FBXL7: variants seen among roughly 807,000 people sequenced by gnomAD.
FBXL7 encodes the protein F-box/LRR-repeat protein 7.
In FBXL7, 12 loss-of-function variants were observed where a neutral mutation model predicts 38.3. The observed-to-expected ratio is 0.31, with a 90% CI of 0.20 to 0.51. The LOEUF is 0.51. Ranked by LOEUF, FBXL7 falls within the 20% of genes least tolerant of loss-of-function variation. The pLI is 0.98. For synonymous variants in FBXL7, 297 were observed against 300.9 expected, an observed-to-expected ratio of 0.99 and a Z score of 0.13; for missense variants, 567 against 676.4, an observed-to-expected ratio of 0.84 and a Z score of 1.79.
chr5:15,642,499 G>A (rs1051632548), intron 2 of FBXL7, among the ~76,000 whole-genome samples: 9 of 152,104 alleles, frequency 5.9e-5, no homozygotes, highest in African/African-American at 1.4e-4. Flanking sequence ...AGAATTTGTC[G>A]ATATTTGAAA....
intron 2 of FBXL7, among the ~76,000 whole-genome samples, chr5:15,684,364 G>A (rs1742945871): frequency 6.6e-6 from 1 of 152,130 alleles, no homozygotes. Flanking sequence ...TAGGGTATGG[G>A]GGACACATAG....
intron 2 of FBXL7, among the ~76,000 whole-genome samples, chr5:15,717,587 T>C (rs537844295): frequency 1.3e-5 from 2 of 152,312 alleles, no homozygotes; most frequent in African/African-American, 4.8e-5. Flanking sequence ...AAGTTCTTGA[T>C]TGCCCCCTTG....
chr5:15,750,921 C>A lies in FBXL7; in HGVS notation c.127+134849C>A, dbSNP rs568591282. Among the ~76,000 whole-genome samples the A allele has an allele frequency of 3.9e-5, 6 of 152,298 alleles. No homozygotes were observed. The East Asian group carries it at 1.2e-3, about 29-fold the overall frequency. On this transcript the variant is annotated intron_variant, in intron 2 of 3. Coordinates refer to ENST00000504595, the MANE Select transcript of FBXL7 (RefSeq NM_012304.5). ...GAAGTGGGACTGACACTTGGTCTAC[C>A]TTTGACATCTGGAAAGACACAATGC...
intron 2 of FBXL7, among the ~76,000 whole-genome samples, chr5:15,644,336 G>A (rs898304132): frequency 1.6e-4 from 24 of 150,124 alleles, no homozygotes; most frequent in Middle Eastern, 7.0e-3. Flanking sequence ...AAGGCCAGGC[G>A]TGGTAGTGCA....
intron 2 of FBXL7, among the ~76,000 whole-genome samples, chr5:15,621,901 C>T (rs544251661): frequency 1.3e-5 from 2 of 152,130 alleles, no homozygotes; most frequent in South Asian, 2.1e-4. Context: ...ATCCAATACA[C>T]TCATTTTTTT....
intron 2 of FBXL7, among the ~76,000 whole-genome samples, chr5:15,638,590 A>G (rs1741260755): frequency 6.6e-6 from 1 of 151,638 alleles, no homozygotes; most frequent in South Asian, 2.1e-4. Context: ...GATGGAACGG[A>G]GGACAAGTTT....
intron 1 of FBXL7, among the ~76,000 whole-genome samples, chr5:15,612,891 T>C (rs1350256669): frequency 1.3e-5 from 2 of 152,214 alleles, no homozygotes; most frequent in Admixed American, 1.3e-4. Context: ...TATTTAAATT[T>C]TGAAAGACAG....
chr5:15,714,475 GACTACACA>G, intron 2 of FBXL7, among the ~76,000 whole-genome samples: 3 of 151,410 alleles, frequency 2.0e-5, no homozygotes, highest in African/African-American at 7.4e-5. Flanking sequence ...TATGAGAACA[GACTACACA>G]AGGTAATGTG....
chr5:15,615,811 CCCAAAAGATATTTA>C (rs1246362878), intron 1 of FBXL7, among the ~76,000 whole-genome samples, 158 bp from the exon 2 acceptor site: 1 of 152,052 alleles, frequency 6.6e-6, no homozygotes, highest in Admixed American at 6.6e-5. Context: ...TCAGATATTT[CCCAAAAGATATTTA>C]ATGCATAAGG....
intron 2 of FBXL7, among the ~76,000 whole-genome samples, chr5:15,902,472 G>C (rs1268941074): frequency 1.3e-5 from 2 of 152,180 alleles, no homozygotes; most frequent in African/African-American, 4.8e-5. Context: ...GAACTCAGAG[G>C]CTTTGATTAA....
At chr5:15,539,002 A>T (rs1403084204) in intron 1 of FBXL7, among the ~76,000 whole-genome samples, 1 of 152,198 alleles carries the variant, frequency 6.6e-6, no homozygotes, top group Admixed American at 6.5e-5. Flanking sequence ...GAAGATAAAT[A>T]GGAGAAAAAA....
chr5:15,706,428 G>A (rs530915639), intron 2 of FBXL7, among the ~76,000 whole-genome samples: 1 of 152,272 alleles, frequency 6.6e-6, no homozygotes, highest in Admixed American at 6.5e-5. Context: ...TATGCTTCCT[G>A]CAGAGCCTGC....
At chr5:15,607,522 T>A (rs1740068055) in intron 1 of FBXL7, among the ~76,000 whole-genome samples, 1 of 152,138 alleles carries the variant, frequency 6.6e-6, no homozygotes, top group South Asian at 2.1e-4. Context: ...AGAAACTTAG[T>A]TTTGCATAGT....
chr5:15,838,666 A>AC (rs753098635), intron 2 of FBXL7, among the ~76,000 whole-genome samples: 298 of 151,656 alleles, frequency 2.0e-3, no homozygotes, highest in Non-Finnish European at 1.6e-3. Flanking sequence ...TGATGACCCT[A>AC]CCTCCTCCTT....
At chr5:15,653,368 T>G (rs548719679) in intron 2 of FBXL7, among the ~76,000 whole-genome samples, 1 of 152,262 alleles carries the variant, frequency 6.6e-6, no homozygotes, top group South Asian at 2.1e-4. Context: ...ATTCTCTTAT[T>G]TAGTTTTTGC....
At chr5:15,882,954 C>T (rs913763266) in intron 2 of FBXL7, among the ~76,000 whole-genome samples, 4 of 100,840 alleles carry the variant, frequency 4.0e-5, no homozygotes, top group Middle Eastern at 5.5e-3. Flanking sequence ...TGATATATCA[C>T]TTTAATCATT....
At chr5:15,636,102 T>G (rs1045332417) in intron 2 of FBXL7, among the ~76,000 whole-genome samples, 3 of 99,922 alleles carry the variant, frequency 3.0e-5, no homozygotes, top group African/African-American at 4.5e-5. Context: ...TGTATATCTG[T>G]TTTTTTTTTT....
chr5:15,665,986 T>C (rs1276709231), intron 2 of FBXL7, among the ~76,000 whole-genome samples: 1 of 152,132 alleles, frequency 6.6e-6, no homozygotes, highest in Admixed American at 6.5e-5. Flanking sequence ...ACAAAGAGAA[T>C]AATATAATCA....
intron 2 of FBXL7, among the ~76,000 whole-genome samples, chr5:15,686,104 T>G (rs760964307): frequency 6.6e-6 from 1 of 152,178 alleles, no homozygotes; most frequent in African/African-American, 2.4e-5. Flanking sequence ...CTTGATGTAC[T>G]GAAACCTCCA....
Sources: allele counts gnomAD v4.1 joint callset (sites outside exome capture counted in the v4.1 genomes callset), GRCh38; gene constraint gnomAD v4.1.1; transcripts MANE v1.5; gene names NCBI Gene and HGNC (gene_info 2026-07-23, HGNC 2026-07-21).